Variants in NSD2 observed in about 807,000 individuals in gnomAD.
The protein encoded by NSD2 is nuclear receptor binding SET domain protein 2.
NSD2 carries 12 observed loss-of-function variants against 139.0 expected under a neutral mutation model. That is an observed-to-expected ratio of 0.09 (90% confidence interval 0.06 to 0.14). NSD2 has a LOEUF of 0.14. Ranked by LOEUF, NSD2 falls within the 10% of genes least tolerant of loss-of-function variation. The pLI is 1.00. For synonymous variants in NSD2, 669 were observed against 648.7 expected (o/e 1.03, Z -0.48); for missense variants, 1,155 against 1,745.0 (o/e 0.66, Z 6.02).
Position 1,906,603 on chromosome 4 carries a change from C to T in NSD2, c.760+2225C>T, listed in dbSNP as rs560713415. Among the ~76,000 whole-genome samples, 4 of 150,640 alleles carry T rather than the reference C, an allele frequency of 2.7e-5. No individual in the cohort carries two copies. The East Asian group carries it at 7.9e-4, about 30-fold the overall frequency. On this transcript the variant is annotated intron_variant, in intron 3 of 21. Transcript: ENST00000508803. ...GTTAAGTAATTCCTGTAGTCTGCAACAGCTTCTCTGACATTCAGATATACT... is the reference window on the plus strand; with the variant it reads ...GTTAAGTAATTCCTGTAGTCTGCAATAGCTTCTCTGACATTCAGATATACT...
intron 7 of NSD2, among the ~76,000 whole-genome samples, chr4:1,935,774 T>C (rs1293603360): frequency 6.6e-6 from 1 of 152,008 alleles, no homozygotes; most frequent in Non-Finnish European, 1.5e-5. Flanking sequence ...GGCAGGAGAA[T>C]TGCTTGAACC....
chr4:1,919,470 T>C (rs955328349), intron 5 of NSD2, among the ~76,000 whole-genome samples: 6 of 152,226 alleles, frequency 3.9e-5, no homozygotes, highest in Non-Finnish European at 7.3e-5. Flanking sequence ...ATAAAGGCTG[T>C]AAAGAACTGA....
Position 1,958,435 on chromosome 4 carries a change from T to C in NSD2, c.2985+399T>C, listed in dbSNP as rs1361585382. Among the ~76,000 whole-genome samples the C allele has an allele frequency of 6.6e-6, 1 of 152,164 alleles. No homozygotes were observed. Among genetic ancestry groups the C allele is most frequent in the Non-Finnish European group, 1.5e-5 (1 of 68,026 alleles). The stretch of plus-strand genomic sequence containing the variant: ...AGATCCTGTACCTCAGAGAGCAAGA[T>C]GGCGGGGCGGCAGGGGAGCTTGCCA... On this transcript the variant is annotated intron_variant, in intron 16 of 21. Transcript: ENST00000508803. The surrounding 1 kb of genome is among the most constrained non-coding windows in gnomAD (Gnocchi z 4.6).
At chr4:1,978,524 C>G (rs985857999) in intron 21 of NSD2, 114 bp from the exon 22 acceptor site, 41 of 1,440,030 alleles carry the variant, frequency 2.8e-5, no homozygotes, top group Middle Eastern at 2.0e-4. Context: ...TCGCTGGAGC[C>G]AGCACTATTT....
chr4:1,912,043 A>G, intron 3 of NSD2: 1 of 304,934 alleles, frequency 3.3e-6, no homozygotes. Context: ...CAAAGTTTTA[A>G]AGTAATGGAA....
At chr4:1,904,443 G>T in intron 3 of NSD2, 65 bp downstream of exon 3, 1 of 1,511,972 alleles carries the variant, frequency 6.6e-7, no homozygotes, top group African/African-American at 1.4e-5. Context: ...TCATCTCCAG[G>T]CTTCTTTCTT....
Position 1,976,730 on chromosome 4 carries a change from C to T in NSD2, c.3826+51C>T, listed in dbSNP as rs1201103917. On this transcript the variant is annotated intron_variant, in intron 21 of 21. Transcript: ENST00000508803. This position sits in a 1 kb window ranked among gnomAD's most constrained non-coding sequence, Gnocchi z 5.3. ...TGCAGCTGTGTCTGTGTGGCAGGCT[C>T]CTGATGGCGGCTGCTGCCGCTCTTC... 2 of 1,519,890 alleles carry T rather than the reference C, an allele frequency of 1.3e-6. No homozygotes were observed. Among genetic ancestry groups the T allele is most frequent in the Non-Finnish European group, 1.8e-6 (2 of 1,129,962 alleles). The allele number at this position is 1,519,890 out of a possible 1,614,324, so 94.2% of individuals were successfully genotyped here.
In NSD2 at chr4:1,951,194, T is replaced by C. The variant is rs1724186873; in HGVS notation, c.2004T>C (p.Tyr668=). The change falls in exon 10 of 22, where the codon TAT becomes TAC. Residue 668 remains tyrosine (Y), a synonymous_variant. Transcript: ENST00000508803. Reference sequence around the variant, plus strand: ...GAGGAGTGACTGCCAAAAAGGAGTATGTGTGCCAGGTGAGGAGAAGGCAGC... The same window carrying C: ...GAGGAGTGACTGCCAAAAAGGAGTACGTGTGCCAGGTGAGGAGAAGGCAGC... The part of the protein sequence containing the change: ...SERGVTAKKE[Y]VCQLCEKPGS... 1 of 1,614,138 alleles carries C rather than the reference T, an allele frequency of 6.2e-7. No individual in the cohort carries two copies. The highest frequency in any genetic ancestry group is 8.5e-7 in the Non-Finnish European group (1 of 1,179,998).
chr4:1,968,936 T>A (rs1002757460), intron 18 of NSD2, among the ~76,000 whole-genome samples: 1 of 152,274 alleles, frequency 6.6e-6, no homozygotes, highest in African/African-American at 2.4e-5. Flanking sequence ...AGATGGCAGC[T>A]GCTCACTTCC....
chr4:1,962,959 C>G (rs1278532953), intron 18 of NSD2, among the ~76,000 whole-genome samples: 1 of 152,204 alleles, frequency 6.6e-6, no homozygotes, highest in Non-Finnish European at 1.5e-5. Flanking sequence ...GCAGCACATT[C>G]CTCTCAGGGC....
Position 1,951,214 on chromosome 4 carries a change from G to T in NSD2, c.2013+11G>T. The T allele has an allele frequency of 1.2e-6, 2 of 1,613,986 alleles. No homozygotes were observed. Among genetic ancestry groups the T allele is most frequent in the Non-Finnish European group, 1.7e-6 (2 of 1,179,942 alleles). ...GAGTATGTGTGCCAGGTGAGGAGAA[G>T]GCAGCATCCGCTATGTCCGTGCTGG... On this transcript the variant is annotated intron_variant, in intron 10 of 21. Coordinates refer to ENST00000508803, the MANE Select transcript of NSD2 (RefSeq NM_001042424.3).
rs1397542328 is a variant in NSD2, at chr4:1,946,915, A to G, written c.1882-4157A>G. The G allele has an allele frequency of 3.8e-6, 4 of 1,059,156 alleles. No homozygotes were observed. The African/African-American group carries it at 6.6e-5, about 17-fold the overall frequency. The allele number at this position is 1,059,156 out of a possible 1,614,324, so 65.6% of individuals were successfully genotyped here. On this transcript the variant is annotated intron_variant, in intron 9 of 21. Coordinates refer to ENST00000508803, the MANE Select transcript of NSD2 (RefSeq NM_001042424.3). ...TAGGTCCACATTTGTGTTTTTTTCTAGCCTACCTATAGTTGTTGGCCTTTT... is the reference window on the plus strand; with the variant it reads ...TAGGTCCACATTTGTGTTTTTTTCTGGCCTACCTATAGTTGTTGGCCTTTT...
At chr4:1,945,205 T>C in intron 9 of NSD2, 1 of 1,066,464 alleles carries the variant, frequency 9.4e-7, no homozygotes, top group Non-Finnish European at 1.1e-6. Context: ...AATGGGGTGC[T>C]CAGGGACTGG....
chr4:1,930,841 C>T, intron 6 of NSD2, 71 bp downstream of exon 6: 1 of 1,516,974 alleles, frequency 6.6e-7, no homozygotes, highest in Non-Finnish European at 8.9e-7. Context: ...GAGCTCTGAT[C>T]TTGGAACCGT....
chr4:1,969,465 C>T (rs979803986), intron 18 of NSD2, among the ~76,000 whole-genome samples: 4 of 151,948 alleles, frequency 2.6e-5, no homozygotes, highest in East Asian at 1.9e-4. Context: ...TTTGGGAGGC[C>T]GAGGCAGGAG....
chr4:1,928,968 C>T (rs1447246990), intron 5 of NSD2, among the ~76,000 whole-genome samples: 3 of 151,894 alleles, frequency 2.0e-5, no homozygotes, highest in Non-Finnish European at 4.4e-5. Flanking sequence ...CAGGAGTAGG[C>T]ATATGCAGGG....
rs1727070547 is a variant in NSD2 at position 1,976,260 on chromosome 4, A to G, written c.3622-215A>G. 1 of 579,632 alleles carries G rather than the reference A, an allele frequency of 1.7e-6. No individual in the cohort carries two copies. Among genetic ancestry groups the G allele is most frequent in the East Asian group, 2.9e-5 (1 of 34,094 alleles). The allele number at this position is 579,632 out of a possible 1,614,324, so 35.9% of individuals were successfully genotyped here. ...TCATTGCAGGCTTCCGACAAAGCTCACTCTAGTCGTAGTCTTTGTTCAGCT... is the reference window on the plus strand; with the variant it reads ...TCATTGCAGGCTTCCGACAAAGCTCGCTCTAGTCGTAGTCTTTGTTCAGCT... On this transcript the variant is annotated intron_variant, in intron 20 of 21. Coordinates refer to ENST00000508803, the MANE Select transcript of NSD2 (RefSeq NM_001042424.3). The surrounding 1 kb of genome is among the most constrained non-coding windows in gnomAD (Gnocchi z 5.3).
At chr4:1,940,561 G>T in intron 9 of NSD2, 1 of 1,064,414 alleles carries the variant, frequency 9.4e-7, no homozygotes, top group Non-Finnish European at 1.1e-6. Flanking sequence ...TACCTTCATA[G>T]AGCTTTGGAG....
At chr4:1,872,637 C>CGAGAGAGAGA (rs1375337847) in intron 1 of NSD2, among the ~76,000 whole-genome samples, 9 of 81,746 alleles carry the variant, frequency 1.1e-4, no homozygotes, top group East Asian at 5.0e-4. Context: ...AGAGAGAGAG[C>CGAGAGAGAGA]GCGCAGACCC....
Sources: allele counts gnomAD v4.1 joint callset (sites outside exome capture counted in the v4.1 genomes callset), GRCh38; gene constraint gnomAD v4.1.1; non-coding constraint Gnocchi (gnomAD v3.1); transcripts MANE v1.5; gene names NCBI Gene and HGNC (gene_info 2026-07-23, HGNC 2026-07-21).